Variants in KLC2 observed in about 807,000 individuals in gnomAD.
KLC2 encodes KLC 2.
In KLC2, 35 loss-of-function variants were observed where a neutral mutation model predicts 75.1. The observed-to-expected ratio is 0.47, with a 90% confidence interval of 0.36 to 0.62. The LOEUF is 0.62. Among genes scored for constraint, KLC2 ranks in the 20% least tolerant of loss-of-function variants. The pLI, the probability that KLC2 is intolerant of heterozygous loss-of-function variation, is 0.00. For missense variants in KLC2, 611 were observed against 833.2 expected, an observed-to-expected ratio of 0.73 and a Z score of 3.28; for synonymous variants, 314 against 336.7, an observed-to-expected ratio of 0.93 and a Z score of 0.74.
In KLC2 at chr11:66,267,228, T is replaced by C; in HGVS notation, c.*272T>C. The C allele has an allele frequency of 1.3e-6, 2 of 1,508,006 alleles. No individual in the cohort carries two copies. 93.4% of individuals were successfully genotyped at this position (1,508,006 alleles called of 1,614,324 possible). A position where few individuals can be genotyped will look rare whatever the true frequency, so the allele number is the denominator to read the frequency against. ...GAGGTGCCGGCTGGAGTCTCCACCATAGACTCAGTGGCCTGGCCTCCCCAG... is the reference window on the plus strand; with the variant it reads ...GAGGTGCCGGCTGGAGTCTCCACCACAGACTCAGTGGCCTGGCCTCCCCAG... On this transcript the variant is annotated 3_prime_UTR_variant, in exon 16 of 16. Transcript: ENST00000394067.
chr11:66,265,407 T>A, intron 11 of KLC2, 172 bp downstream of exon 11: 1 of 704,068 alleles, frequency 1.4e-6, no homozygotes, highest in Non-Finnish European at 2.4e-6. Flanking sequence ...ATTCTCTGGC[T>A]CTGGGTCTCC....
chr11:66,265,859 G>A lies in KLC2; in HGVS notation c.1449G>A (p.Leu483=). The A allele has an allele frequency of 6.3e-7, 1 of 1,576,668 alleles. No individual in the cohort carries two copies. The highest frequency in any genetic ancestry group is 8.6e-7 in the Non-Finnish European group (1 of 1,157,218). Residue 483 remains leucine, a synonymous_variant, in exon 13 of 16, where the codon TTG becomes TTA. Transcript: ENST00000394067. ...TGCCCCTGCCCCTCCCTCAGGGTTT[G>A]GACCCCGCAAGCCAGACCAAGGTGG... ...DCASRNRKQG[L]DPASQTKVVE...
chr11:66,259,308 T>C (rs568947155), intron 2 of KLC2, among the ~76,000 whole-genome samples: 1 of 152,210 alleles, frequency 6.6e-6, no homozygotes. Context: ...AACAAGATTT[T>C]ATGATAGCTC....
Position 66,267,462 on chromosome 11 carries a change from A to G in KLC2, c.*506A>G. The G allele has an allele frequency of 2.8e-6, 2 of 715,482 alleles. No homozygotes were observed. Among genetic ancestry groups the G allele is most frequent in the South Asian group, 3.0e-5 (2 of 67,494 alleles). The allele number at this position is 715,482 out of a possible 1,614,324, so 44.3% of individuals were successfully genotyped here. Reference sequence around the variant, plus strand: ...AATCACCCCCATTCCGTGCGGTGGTATCTCCCAGGCTCTACATTCTCGGGA... The same window carrying G: ...AATCACCCCCATTCCGTGCGGTGGTGTCTCCCAGGCTCTACATTCTCGGGA... On this transcript the variant is annotated 3_prime_UTR_variant, in exon 16 of 16. Coordinates refer to ENST00000394067, the MANE Select transcript of KLC2 (RefSeq NM_001318734.2).
rs1165409233 is a variant in KLC2, at chr11:66,267,096, C to G, written c.*140C>G. The G allele has an allele frequency of 3.9e-6, 6 of 1,533,380 alleles. No individual in the cohort carries two copies. The East Asian group carries it at 1.5e-4, about 38-fold the overall frequency. The allele number at this position is 1,533,380 out of a possible 1,614,324, so 95.0% of individuals were successfully genotyped here. ...CTGTTCAATCTCAGGGTAACCTTCT[C>G]CCTTGTCATCTCAGCCTGAGCCCTG... On this transcript the variant is annotated 3_prime_UTR_variant, in exon 16 of 16. Transcript: ENST00000394067.
In KLC2 at chr11:66,263,971, G is replaced by A. The variant is rs1029212878; in HGVS notation, c.942+19G>A. On this transcript the variant is annotated intron_variant, in intron 7 of 15. Coordinates refer to ENST00000394067, the MANE Select transcript of KLC2 (RefSeq NM_001318734.2). ...GGAGAAGGTGGGAACAGGCAGGGCT[G>A]GGCAGGCTGGGGGTCTGGGAGGCAG... 2 of 1,612,944 alleles carry A rather than the reference G, an allele frequency of 1.2e-6. No homozygotes were observed. Among genetic ancestry groups the A allele is most frequent in the Admixed American group, 1.7e-5 (1 of 59,984 alleles).
At chr11:66,259,731 G>A (rs1372508988) in intron 2 of KLC2, 1 of 152,230 alleles carries the variant, frequency 6.6e-6, no homozygotes, top group African/African-American at 2.4e-5. Flanking sequence ...TGAGTGGTTA[G>A]GAAGCCACTG....
intron 2 of KLC2, among the ~76,000 whole-genome samples, chr11:66,260,305 G>A (rs1471152763): frequency 6.6e-6 from 1 of 152,170 alleles, no homozygotes; most frequent in Non-Finnish European, 1.5e-5. Context: ...GCCGTCAGAG[G>A]TAGAGAGGAC....
chr11:66,255,658 C>G (rs899174345), upstream of KLC2, among the ~76,000 whole-genome samples: 14 of 151,994 alleles, frequency 9.2e-5, no homozygotes, highest in African/African-American at 3.4e-4. Context: ...AATCAATGGA[C>G]ATAAGAAACA....
chr11:66,265,347 C>A, intron 11 of KLC2, 112 bp downstream of exon 11: 1 of 922,338 alleles, frequency 1.1e-6, no homozygotes, highest in Non-Finnish European at 1.7e-6. Flanking sequence ...CAAGGCCCAA[C>A]TCACAGGTCA....
intron 8 of KLC2, 28 bp downstream of exon 8, chr11:66,264,247 G>A: frequency 2.6e-6 from 4 of 1,567,102 alleles, no homozygotes; most frequent in African/African-American, 1.4e-5. Flanking sequence ...GGAGCTGGAG[G>A]ATGGGAAGGA....
intron 15 of KLC2, 111 bp downstream of exon 15, chr11:66,266,601 T>C (rs1014313633): frequency 2.5e-6 from 3 of 1,198,528 alleles, no homozygotes; most frequent in Admixed American, 3.6e-5. Flanking sequence ...CCTGGCTCTG[T>C]CTCAGGCCTA....
intron 14 of KLC2, 101 bp from the exon 15 acceptor site, chr11:66,266,332 C>T (rs1446614903): frequency 6.7e-7 from 1 of 1,486,504 alleles, no homozygotes; most frequent in Non-Finnish European, 9.2e-7. Flanking sequence ...TCAGGCTCCA[C>T]CACCCACCAG....
In KLC2 at chr11:66,267,502, G is replaced by A. The variant is rs370073156; in HGVS notation, c.*546G>A. ...CATTCTCGGGAGCGGCGCCTCCCAA[G>A]GGGGTCCTGGGACCTTCTCGCGCTC... On this transcript the variant is annotated 3_prime_UTR_variant, in exon 16 of 16. Coordinates refer to ENST00000394067, the MANE Select transcript of KLC2 (RefSeq NM_001318734.2). 1 of 691,024 alleles carries A rather than the reference G, an allele frequency of 1.4e-6. No homozygotes were observed. Among genetic ancestry groups the A allele is most frequent in the South Asian group, 1.6e-5 (1 of 64,234 alleles). The allele number at this position is 691,024 out of a possible 1,614,324, so 42.8% of individuals were successfully genotyped here.
At chr11:66,266,374 T>G in intron 14 of KLC2, 59 bp from the exon 15 acceptor site, 1 of 909,850 alleles carries the variant, frequency 1.1e-6, no homozygotes, top group Non-Finnish European at 1.7e-6. Flanking sequence ...CCCTTCTCCC[T>G]GCCCCCATCT....
At chr11:66,258,868 G>A (rs200194280) in intron 2 of KLC2, 46 bp downstream of exon 2, 2 of 1,296,012 alleles carry the variant, frequency 1.5e-6, no homozygotes, top group East Asian at 2.3e-5. Context: ...TGGAGGGATC[G>A]AGCCTTCAAG....
At chr11:66,246,289 C>G in the KLC2 span, 1 of 152,388 alleles carries the variant, frequency 6.6e-6, no homozygotes, top group African/African-American at 2.4e-5. Context: ...CTGTGCAGAG[C>G]TGGGGGCCAG....
intron 3 of KLC2, 66 bp downstream of exon 3, chr11:66,262,038 A>C: frequency 1.3e-6 from 2 of 1,584,632 alleles, no homozygotes; most frequent in Non-Finnish European, 1.7e-6. Context: ...GGCAGCATGG[A>C]GCAGATTCGG....
In KLC2 at chr11:66,261,725, C is replaced by T; in HGVS notation, c.229-17C>T. On this transcript the variant is annotated splice_polypyrimidine_tract_variant and intron_variant, in intron 2 of 15. Coordinates refer to ENST00000394067, the MANE Select transcript of KLC2 (RefSeq NM_001318734.2). ...GGGTCGACAGGCCTCCGACCCTTAC[C>T]TGGGCTGGTTGCACAGGTGATCTTG... 6.3e-7 allele frequency: 1 copy of T among 1,583,832 alleles called. No individual in the cohort carries two copies. The highest frequency in any genetic ancestry group is 8.7e-7 in the Non-Finnish European group (1 of 1,155,314).
Sources: gnomAD v4.1 joint callset for allele counts (sites outside exome capture counted in the v4.1 genomes callset) on GRCh38, gnomAD v4.1.1 for gene constraint, MANE v1.5 for transcripts, NCBI Gene and HGNC (gene_info 2026-07-23, HGNC 2026-07-21) for gene names.